The following ZNF628 variants were observed in gnomAD, a reference collection of about 807,000 sequenced individuals.
ZNF628 encodes the protein zinc finger protein 628.
In ZNF628, 3 loss-of-function variants were observed where a neutral mutation model predicts 2.5. That is an observed-to-expected ratio of 1.19 (90% CI 0.54 to 3.07). The LOEUF (loss-of-function observed/expected upper bound fraction) is 3.07. Among genes scored for constraint, ZNF628 ranks in the 30% most tolerant of loss-of-function variants. ZNF628 has a pLI of 0.03. For synonymous variants in ZNF628, 861 were observed against 717.1 expected (o/e 1.20, Z -3.21); for missense variants, 1,610 against 1,517.1 (o/e 1.06, Z -1.02).
At chr19:55,480,333 C>T (rs1986669244) in intron 2 of ZNF628, among the ~76,000 whole-genome samples, 1 of 150,856 alleles carries the variant, frequency 6.6e-6, no homozygotes, top group Non-Finnish European at 1.5e-5. Context: ...GCAACCTCCA[C>T]CTCCCAGGCT....
In ZNF628 at chr19:55,483,807, G is replaced by T. The variant is rs1177552983; in HGVS notation, c.2614G>T (p.Gly872Cys). 6.2e-7 allele frequency: 1 copy of T among 1,613,730 alleles called. No homozygotes were observed. Among genetic ancestry groups the T allele is most frequent in the East Asian group, 2.2e-5 (1 of 44,866 alleles). ...VTTVQLQPVA[G>C]QLSNSSGGAV... Reference sequence around the variant, plus strand: ...CACGGTCCAGCTCCAGCCCGTGGCCGGCCAGCTCTCCAATTCCAGTGGGGG... The same window carrying T: ...CACGGTCCAGCTCCAGCCCGTGGCCTGCCAGCTCTCCAATTCCAGTGGGGG... The change falls in exon 3 of 3, where the codon GGC becomes TGC. Residue 872 changes from glycine (G) to cysteine (C), a missense_variant. Transcript: ENST00000598519.
chr19:55,476,855 A>C, intron 1 of ZNF628, 48 bp downstream of exon 1: 1 of 55,200 alleles, frequency 1.8e-5, no homozygotes, highest in African/African-American at 7.6e-5. Flanking sequence ...CGGAGGGCGG[A>C]GAAGTTGCAG....
At position 55,481,272 on chromosome 19, in the gene ZNF628, C is replaced by T; in HGVS notation, c.79C>T (p.Pro27Ser). 6.3e-7 allele frequency: 1 copy of T among 1,594,370 alleles called. No individual in the cohort carries two copies. The highest frequency in any genetic ancestry group is 8.5e-7 in the Non-Finnish European group (1 of 1,172,362). Residue 27 changes from proline (P) to serine (S), a missense_variant, in exon 3 of 3, where the codon CCT becomes TCT. Around this residue, in one of 5 missense-constraint regions of ZNF628, gnomAD observed 60 missense variants for 46.8 expected, o/e 1.28. Transcript: ENST00000598519. ...GGAGGGGGCCGGGGAGAAGCCAGGC[C>T]CTGCGGCCCCTGCCCCGGCGGCCCA... Reference protein sequence around the residue: ...TAEGAGEKPGPAAPAPAAQYE... With the variant: ...TAEGAGEKPGSAAPAPAAQYE...
In ZNF628 at chr19:55,484,397, G is replaced by GCC. The variant is rs546748948; in HGVS notation, c.*27_*28dup. On this transcript the variant is annotated 3_prime_UTR_variant, in exon 3 of 3. Coordinates refer to ENST00000598519, the MANE Select transcript of ZNF628 (RefSeq NM_033113.3). ...GAGGAGAGGCAGTGATTCCCCTCCC[G>GCC]CCCCGCACAGAGACCCCGACTCACT... 0.021 allele frequency: 29,970 copies of GCC among 1,430,788 alleles called. 394 individuals carry two copies. Among genetic ancestry groups the GCC allele is most frequent in the Middle Eastern group, 0.049 (191 of 3,864 alleles). The allele number at this position is 1,430,788 out of a possible 1,614,324, so 88.6% of individuals were successfully genotyped here. A position where few individuals can be genotyped will look rare whatever the true frequency, so the allele number is the denominator to read the frequency against.
chr19:55,482,637 T>C lies in ZNF628; in HGVS notation c.1444T>C (p.Tyr482His). The C allele has an allele frequency of 6.2e-7, 1 of 1,610,868 alleles. No homozygotes were observed. The highest frequency in any genetic ancestry group is 8.5e-7 in the Non-Finnish European group (1 of 1,179,034). ...GCGGGACCACACGGGCGAGCGGCCC[T>C]ACCAGTGTGGCGAGTGCGGCAAGGC... ...HLRDHTGERP[Y>H]QCGECGKAFK... The change falls in exon 3 of 3, where the codon TAC becomes CAC. Residue 482 changes from tyrosine (Y) to histidine (H), a missense_variant. Around this residue, in one of 5 missense-constraint regions of ZNF628, gnomAD observed 651 missense variants for 575.6 expected, o/e 1.13. Transcript: ENST00000598519.
In ZNF628 at chr19:55,483,014, C is replaced by T. The variant is rs1271270947; in HGVS notation, c.1821C>T (p.Ser607=). ...GCCCCAAGACCTTCACCCACTCCTC[C>T]AACCTGCTGCTGCACCAGCGCACGC... The part of the protein sequence containing the change: ...PLCPKTFTHS[S]NLLLHQRTHS... Residue 607 remains serine (S), a synonymous_variant, in exon 3 of 3, where the codon TCC becomes TCT. Transcript: ENST00000598519. The T allele has an allele frequency of 6.2e-6, 10 of 1,612,258 alleles. No homozygotes were observed. Among genetic ancestry groups the T allele is most frequent in the Middle Eastern group, 1.7e-4 (1 of 6,060 alleles).
In ZNF628 at chr19:55,482,985, C is replaced by G. The variant is rs367866791; in HGVS notation, c.1792C>G (p.Leu598Val). 7 of 1,611,678 alleles carry G rather than the reference C, an allele frequency of 4.3e-6. No individual in the cohort carries two copies. Among genetic ancestry groups the G allele is most frequent in the African/African-American group, 1.3e-5 (1 of 75,018 alleles). The change falls in exon 3 of 3, where the codon CTC (leucine) becomes GTC (valine). Residue 598 changes from leucine (L) to valine (V), a missense_variant. By Grantham distance (32) the Leu-to-Val change is conservative. This residue lies in a region of ZNF628 where 21 missense variants were observed against 49.8 expected (regional missense o/e 0.42). Transcript: ENST00000598519. The stretch of plus-strand genomic sequence containing the variant: ...GGGCGAGCGGCCCTTCCGCTGCCCG[C>G]TCTGCCCCAAGACCTTCACCCACTC... ...HTGERPFRCP[L>V]CPKTFTHSSN...
In ZNF628 at chr19:55,479,410, G is replaced by T. The variant is rs1394731689; in HGVS notation, c.-77-424G>T. Among the ~76,000 whole-genome samples, 3 of 151,720 alleles carry T rather than the reference G, an allele frequency of 2.0e-5. No homozygotes were observed. The highest frequency in any genetic ancestry group is 4.4e-5 in the Non-Finnish European group (3 of 68,034). ...GAGTCTGCAGCTGGACAGGGAAGTG[G>T]AGTGAAGAGCTTTTTGGTTTTTAAA... On this transcript the variant is annotated intron_variant, in intron 1 of 2. Transcript: ENST00000598519. This position sits in a 1 kb window ranked among gnomAD's most constrained non-coding sequence, Gnocchi z 5.1.
chr19:55,478,069 G>A (rs1300213636), intron 1 of ZNF628, among the ~76,000 whole-genome samples: 1 of 152,018 alleles, frequency 6.6e-6, no homozygotes, highest in Non-Finnish European at 1.5e-5. Context: ...GAGCTTTGTG[G>A]ACAGCGTAGA....
rs761902471 is a variant in ZNF628, at chr19:55,484,198, C to T, written c.3005C>T (p.Ala1002Val). The change falls in exon 3 of 3, where the codon GCC (alanine) becomes GTC (valine). Residue 1002 changes from alanine (A) to valine (V), a missense_variant. By Grantham distance (64) the Ala-to-Val change is moderately conservative. Transcript: ENST00000598519. ...GGCACCGCCACGCTGCAGCTCCTGG[C>T]CCCACCGCCGTCAGGCCCAGCCTCG... The part of the protein sequence containing the change: ...GGGTATLQLL[A>V]PPPSGPASGP... 3.2e-6 allele frequency: 5 copies of T among 1,547,988 alleles called. No individual in the cohort carries two copies. Among genetic ancestry groups the T allele is most frequent in the South Asian group, 2.4e-5 (2 of 83,612 alleles).
rs1175193571 is a variant in ZNF628, at chr19:55,479,257, G to A, written c.-77-577G>A. 1.3e-5 allele frequency among the ~76,000 whole-genome samples: 2 copies of A among 152,172 alleles called. No individual in the cohort carries two copies. Among genetic ancestry groups the A allele is most frequent in the Admixed American group, 6.5e-5 (1 of 15,274 alleles). On this transcript the variant is annotated intron_variant, in intron 1 of 2. Coordinates refer to ENST00000598519, the MANE Select transcript of ZNF628 (RefSeq NM_033113.3). The surrounding 1 kb of genome is among the most constrained non-coding windows in gnomAD (Gnocchi z 5.1). ...AGGCGGGCCACGGACCCAGTGACAAGTGGGCCATTGCGGGCCACGCGCCGC... is the reference window on the plus strand; with the variant it reads ...AGGCGGGCCACGGACCCAGTGACAAATGGGCCATTGCGGGCCACGCGCCGC...
At chr19:55,480,892 A>ACTCC (rs1200235249) in intron 2 of ZNF628, among the ~76,000 whole-genome samples, 2 of 151,936 alleles carry the variant, frequency 1.3e-5, no homozygotes, top group Non-Finnish European at 2.9e-5. Flanking sequence ...GAGGGAGCAG[A>ACTCC]CTCCTACAGG....
Position 55,483,398 on chromosome 19 carries a change from C to CCCTCCCGCA in ZNF628, c.2212_2220dup (p.Ala738_Pro740dup). On this transcript the variant is annotated inframe_insertion, in exon 3 of 3. Transcript: ENST00000598519. ...GCGTGCAGCCCCCTACACCTCCGCC[C>CCCTCCCGCA]CCTCCCGCACCTCCCAAGCTCATCC... 2.0e-6 allele frequency: 3 copies of CCCTCCCGCA among 1,531,104 alleles called. No homozygotes were observed. Among genetic ancestry groups the CCCTCCCGCA allele is most frequent in the Non-Finnish European group, 2.6e-6 (3 of 1,140,584 alleles). The allele number at this position is 1,531,104 out of a possible 1,614,324, so 94.8% of individuals were successfully genotyped here.
At position 55,482,023 on chromosome 19, in the gene ZNF628, C is replaced by T. The variant is rs1285335206; in HGVS notation, c.830C>T (p.Pro277Leu). Residue 277 changes from proline (P) to leucine (L), a missense_variant, in exon 3 of 3, where the codon CCC becomes CTC. Coordinates refer to ENST00000598519, the MANE Select transcript of ZNF628 (RefSeq NM_033113.3). ...APPAPPPPPP[P>L]VVPELFLAAA... ...CCCGCCCCGCCGCCCCCGCCCCCGC[C>T]CGTGGTGCCTGAGCTCTTTTTGGCG... 1 of 1,482,624 alleles carries T rather than the reference C, an allele frequency of 6.7e-7. No homozygotes were observed. The highest frequency in any genetic ancestry group is 8.9e-7 in the Non-Finnish European group (1 of 1,120,290). The allele number at this position is 1,482,624 out of a possible 1,614,324, so 91.8% of individuals were successfully genotyped here. A position where few individuals can be genotyped will look rare whatever the true frequency, so the allele number is the denominator to read the frequency against.
At chr19:55,480,967 T>C (rs954833144) in intron 2 of ZNF628, among the ~76,000 whole-genome samples, 2 of 152,002 alleles carry the variant, frequency 1.3e-5, no homozygotes, top group African/African-American at 4.8e-5. Context: ...CTAAGGAGGG[T>C]GGCCACAGTT....
In ZNF628 at chr19:55,482,252, G is replaced by A; in HGVS notation, c.1059G>A (p.Ala353=). The change falls in exon 3 of 3, where the codon GCG becomes GCA. Residue 353 remains alanine, a synonymous_variant. Transcript: ENST00000598519. The part of the protein sequence containing the change: ...PQPPPPAAAP[A]PGFACLPCGK... ...CCCCTCCTCCCGCCGCCGCCCCCGC[G>A]CCTGGCTTTGCCTGTCTGCCCTGCG... 6.9e-7 allele frequency: 1 copy of A among 1,449,668 alleles called. No homozygotes were observed. Among genetic ancestry groups the A allele is most frequent in the Non-Finnish European group, 9.0e-7 (1 of 1,109,282 alleles). 89.8% of individuals were successfully genotyped at this position (1,449,668 alleles called of 1,614,324 possible).
Position 55,481,755 on chromosome 19 carries a change from A to G in ZNF628, c.562A>G (p.Ser188Gly). 1.2e-6 allele frequency: 2 copies of G among 1,607,824 alleles called. No individual in the cohort carries two copies. The highest frequency in any genetic ancestry group is 2.7e-5 in the African/African-American group (2 of 73,542). The part of the protein sequence containing the change: ...CGVCGKSFTQ[S>G]TNLRQHQRVH... ...AGTCTGCGGGAAGAGCTTCACGCAG[A>G]GCACCAACCTGCGGCAGCACCAGCG... is the stretch of plus-strand genomic sequence containing the variant. The change falls in exon 3 of 3, where the codon AGC (serine) becomes GGC (glycine). Residue 188 changes from serine (S) to glycine (G), a missense_variant. Ser to Gly is a moderately conservative substitution (Grantham distance 56). This residue lies in a region of ZNF628 where 166 missense variants were observed against 241.3 expected (regional missense o/e 0.69). Transcript: ENST00000598519.
At chr19:55,477,630 C>T (rs1287222816) in intron 1 of ZNF628, among the ~76,000 whole-genome samples, 1 of 151,994 alleles carries the variant, frequency 6.6e-6, no homozygotes, top group Non-Finnish European at 1.5e-5. Flanking sequence ...GGCGCGGTGG[C>T]GTGCACCTGT....
Position 55,481,382 on chromosome 19 carries a change from C to A in ZNF628, c.189C>A (p.Pro63=), listed in dbSNP as rs757226504. ...AGCGCACGCACACAGGCGAGCGGCC[C>A]TACAAGTGCCCAGACTGCCCCAAGG... ...HHQRTHTGER[P]YKCPDCPKAF... The change falls in exon 3 of 3, where the codon CCC becomes CCA. Residue 63 remains proline, a synonymous_variant. Coordinates refer to ENST00000598519, the MANE Select transcript of ZNF628 (RefSeq NM_033113.3). The A allele has an allele frequency of 6.2e-7, 1 of 1,613,196 alleles. No individual in the cohort carries two copies. Among genetic ancestry groups the A allele is most frequent in the Admixed American group, 1.7e-5 (1 of 59,958 alleles).
Sources: allele counts gnomAD v4.1 joint callset (sites outside exome capture counted in the v4.1 genomes callset), GRCh38; gene constraint gnomAD v4.1.1; regional missense constraint gnomAD v4.1.1; non-coding constraint Gnocchi (gnomAD v3.1); transcripts MANE v1.5; gene names NCBI Gene and HGNC (gene_info 2026-07-23, HGNC 2026-07-21).